Variants in SDK1 observed in about 807,000 individuals in gnomAD.
The protein encoded by SDK1 is protein sidekick-1.
In SDK1, 157 loss-of-function variants were observed where a neutral mutation model predicts 245.5. That is an observed-to-expected ratio of 0.64 (90% confidence interval 0.56 to 0.73). SDK1 has a LOEUF of 0.73. Ranked by LOEUF, SDK1 falls within the 30% of genes least tolerant of loss-of-function variation. The pLI is 0.00. For synonymous variants in SDK1, 1,647 were observed against 1,278.5 expected, an observed-to-expected ratio of 1.29 and a Z score of -6.15; for missense variants, 3,583 against 3,002.3, an observed-to-expected ratio of 1.19 and a Z score of -4.52.
intron 4 of SDK1, among the ~76,000 whole-genome samples, chr7:3,644,822 G>T (rs921154878): frequency 1.3e-5 from 2 of 150,170 alleles, no homozygotes; most frequent in East Asian, 3.9e-4. Flanking sequence ...CGGGGCAGGG[G>T]GTGGCAGGCA....
intron 22 of SDK1, among the ~76,000 whole-genome samples, chr7:4,090,491 C>A (rs1781716524): frequency 1.3e-5 from 2 of 152,134 alleles, no homozygotes; most frequent in African/African-American, 4.8e-5. Context: ...TAACCCATTG[C>A]TATCATTGCT....
At chr7:3,428,849 G>C (rs945219940) in intron 1 of SDK1, among the ~76,000 whole-genome samples, 1 of 152,164 alleles carries the variant, frequency 6.6e-6, no homozygotes, top group African/African-American at 2.4e-5. Flanking sequence ...GGAAAGGAAA[G>C]GAACATCCCG....
intron 1 of SDK1, among the ~76,000 whole-genome samples, chr7:3,359,332 C>A (rs942421687): frequency 3.3e-5 from 5 of 152,170 alleles, no homozygotes; most frequent in South Asian, 2.1e-4. Context: ...GTCCTCCATG[C>A]TACCCACTTG....
At chr7:3,487,153 T>G (rs1164369424) in intron 1 of SDK1, among the ~76,000 whole-genome samples, 2 of 152,222 alleles carry the variant, frequency 1.3e-5, no homozygotes, top group African/African-American at 2.4e-5. Flanking sequence ...AGGCTAGAAT[T>G]GGCCCACTGG....
chr7:3,509,114 G>A (rs967373586), intron 1 of SDK1, among the ~76,000 whole-genome samples: 9 of 152,020 alleles, frequency 5.9e-5, no homozygotes, highest in Middle Eastern at 3.4e-3. Flanking sequence ...ATGTACATGC[G>A]TGTGATACTC....
intron 1 of SDK1, among the ~76,000 whole-genome samples, chr7:3,590,383 T>C (rs1331912504): frequency 6.9e-6 from 1 of 145,014 alleles, no homozygotes; most frequent in Non-Finnish European, 1.5e-5. Context: ...AAATTATGGA[T>C]AAATTGGAAA....
At chr7:3,528,007 TGA>T (rs1173706270) in intron 1 of SDK1, among the ~76,000 whole-genome samples, 1 of 140,118 alleles carries the variant, frequency 7.1e-6, no homozygotes, top group Non-Finnish European at 1.5e-5. Flanking sequence ...AGCTAGGGGT[TGA>T]GTGGTGGGAA....
At chr7:4,025,016 T>TCACACA (rs10602730) in intron 17 of SDK1, among the ~76,000 whole-genome samples, 30 of 148,458 alleles carry the variant, frequency 2.0e-4, no homozygotes, top group Admixed American at 4.7e-4. Flanking sequence ...TATTTTGCAT[T>TCACACA]CACACACACA....
chr7:4,252,928 C>CTTATAGTTGTGTACAGTTGT (rs1787408239), intron 44 of SDK1, among the ~76,000 whole-genome samples: 1 of 148,316 alleles, frequency 6.7e-6, no homozygotes, highest in Admixed American at 6.9e-5. Context: ...GATACAGTTG[C>CTTATAGTTGTGTACAGTTGT]TTATAGTTGT....
chr7:3,796,754 G>C (rs892558871), intron 4 of SDK1, among the ~76,000 whole-genome samples: 8 of 152,102 alleles, frequency 5.3e-5, no homozygotes, highest in South Asian at 2.1e-4. Context: ...ATGCAGTATT[G>C]ATTATTAATT....
chr7:4,107,111 CAGGGTGGGG>C (rs545680435), intron 22 of SDK1, among the ~76,000 whole-genome samples: 4,244 of 31,196 alleles, frequency 0.14, 154 homozygotes, highest in Non-Finnish European at 0.15. Flanking sequence ...TACACACATC[CAGGGTGGGG>C]AGGGTGGGGA....
chr7:3,547,410 G>A (rs1779258834), intron 1 of SDK1, among the ~76,000 whole-genome samples: 1 of 152,304 alleles, frequency 6.6e-6, no homozygotes, highest in East Asian at 1.9e-4. Flanking sequence ...GTGATAGATT[G>A]AGCTCTAGAC....
At chr7:3,320,162 T>A (rs575535925) in intron 1 of SDK1, among the ~76,000 whole-genome samples, 23 of 152,088 alleles carry the variant, frequency 1.5e-4, no homozygotes, top group Admixed American at 7.2e-4. Flanking sequence ...CCCCTCTCAT[T>A]CTCTCCTGCC....
chr7:4,206,164 T>C (rs1400747438), intron 36 of SDK1, among the ~76,000 whole-genome samples, 170 bp downstream of exon 36: 3 of 152,248 alleles, frequency 2.0e-5, no homozygotes, highest in Admixed American at 2.0e-4. Context: ...TGGTCACAGC[T>C]GCTTGTGGGT....
At chr7:3,814,348 A>G (rs1467855585) in intron 4 of SDK1, among the ~76,000 whole-genome samples, 3 of 148,316 alleles carry the variant, frequency 2.0e-5, no homozygotes, top group Non-Finnish European at 3.0e-5. Flanking sequence ...CAGTTTTCCC[A>G]GCACCATTTA....
Position 3,459,122 on chromosome 7 carries a change from C to T in SDK1, c.298+157238C>T, listed in dbSNP as rs112559004. 6.8e-3 allele frequency among the ~76,000 whole-genome samples: 1,035 copies of T among 152,236 alleles called. 9 individuals are homozygous for T. The highest frequency in any genetic ancestry group is 0.01 in the Admixed American group (159 of 15,280). ...AATTGACATCATTATAGTATTGTATCTTCTAACCTATGATTTTTGTGTATT... is the reference window on the plus strand; with the variant it reads ...AATTGACATCATTATAGTATTGTATTTTCTAACCTATGATTTTTGTGTATT... On this transcript the variant is annotated intron_variant, in intron 1 of 44. Transcript: ENST00000404826.
chr7:3,821,068 G>T (rs1442965411), intron 4 of SDK1, among the ~76,000 whole-genome samples: 1 of 152,196 alleles, frequency 6.6e-6, no homozygotes, highest in Non-Finnish European at 1.5e-5. Flanking sequence ...CGCTGGGTCA[G>T]GGTTGTGGTG....
chr7:3,984,834 C>G (rs945325071), intron 13 of SDK1, among the ~76,000 whole-genome samples: 1 of 152,170 alleles, frequency 6.6e-6, no homozygotes, highest in Non-Finnish European at 1.5e-5. Flanking sequence ...GTCCCAGAAC[C>G]AATGTCAAAA....
At chr7:4,095,536 A>G (rs1214767650) in intron 22 of SDK1, among the ~76,000 whole-genome samples, 1 of 151,890 alleles carries the variant, frequency 6.6e-6, no homozygotes, top group Admixed American at 6.6e-5. Context: ...TTGTTTGTCA[A>G]GTTGCTCCTT....
Sources: allele counts gnomAD v4.1 joint callset (sites outside exome capture counted in the v4.1 genomes callset), GRCh38; gene constraint gnomAD v4.1.1; transcripts MANE v1.5; gene names NCBI Gene and HGNC (gene_info 2026-07-23, HGNC 2026-07-21).